Variants in KREMEN1 observed in about 807,000 individuals in gnomAD.
KREMEN1 encodes the protein kremen protein 1.
In KREMEN1, 30 loss-of-function variants were observed where a neutral mutation model predicts 46.5. The observed-to-expected ratio is 0.65, with a 90% CI of 0.48 to 0.88. The LOEUF is 0.88. KREMEN1 is among the 40% of genes least tolerant of loss of function. The pLI is 0.00. For synonymous variants in KREMEN1, 214 were observed against 230.6 expected (o/e 0.93, Z 0.65); for missense variants, 533 against 596.9 (o/e 0.89, Z 1.11).
chr22:29,104,823 A>G (rs134670), intron 3 of KREMEN1, among the ~76,000 whole-genome samples: 113,574 of 152,188 alleles, frequency 0.75, 43,082 homozygotes, highest in African/African-American at 0.88. Context: ...GAACCTGGGA[A>G]GCAGCGGTTG....
chr22:29,091,684 A>C (rs983995662), intron 1 of KREMEN1, among the ~76,000 whole-genome samples: 3 of 152,060 alleles, frequency 2.0e-5, no homozygotes, highest in Non-Finnish European at 4.4e-5. Context: ...TAGCTCTGGG[A>C]TTGGGATAGA....
intron 9 of KREMEN1, among the ~76,000 whole-genome samples, chr22:29,158,672 G>C (rs1443984203): frequency 6.6e-6 from 1 of 152,192 alleles, no homozygotes; most frequent in African/African-American, 2.4e-5. Flanking sequence ...TCAGTCCTGA[G>C]TCCAGAAGGG....
In KREMEN1 at chr22:29,073,601, C is replaced by T. The variant is rs111529360; in HGVS notation, c.97+374C>T. On this transcript the variant is annotated intron_variant, in intron 1 of 8. Coordinates refer to ENST00000400335, the MANE Select transcript of KREMEN1 (RefSeq NM_001039570.3). This position sits in a 1 kb window ranked among gnomAD's most constrained non-coding sequence, Gnocchi z 4.4. ...CGCTGCCCGAGTCCCTCAGCGACCC[C>T]AACCAGGCCGGGACGCCCCCTCTCC... is the stretch of plus-strand genomic sequence containing the variant. 0.062 allele frequency among the ~76,000 whole-genome samples: 9,373 copies of T among 152,092 alleles called. 353 individuals carry two copies. Among genetic ancestry groups the T allele is most frequent in the East Asian group, 0.12 (599 of 5,118 alleles).
At chr22:29,088,287 G>A (rs1242904775) in intron 1 of KREMEN1, among the ~76,000 whole-genome samples, 2 of 134,860 alleles carry the variant, frequency 1.5e-5, no homozygotes, top group Non-Finnish European at 3.2e-5. Context: ...AATAACGTGC[G>A]CACGCGTGCA....
At position 29,145,866 on chromosome 22, in the gene KREMEN1, G is replaced by A. The variant is rs1326165863; in HGVS notation, c.*3754G>A. The A allele has an allele frequency of 1.0e-6, 1 of 985,572 alleles. No individual in the cohort carries two copies. 61.1% of individuals were successfully genotyped at this position (985,572 alleles called of 1,614,324 possible). On this transcript the variant is annotated 3_prime_UTR_variant, in exon 9 of 9. Transcript: ENST00000400335. ...GCAAGTTCAGCTGTCCTGGCCCTCG[G>A]GTAGAACCCACGGGCGTGCCTGGGT...
intron 3 of KREMEN1, among the ~76,000 whole-genome samples, chr22:29,110,938 T>C (rs1380470986): frequency 1.3e-5 from 2 of 152,250 alleles, no homozygotes; most frequent in Middle Eastern, 3.4e-3. Context: ...GCGTCTCAGA[T>C]GTACATAGTT....
intron 2 of KREMEN1, among the ~76,000 whole-genome samples, chr22:29,097,341 T>C (rs1468309259): frequency 1.3e-5 from 2 of 152,258 alleles, no homozygotes; most frequent in Non-Finnish European, 2.9e-5. Context: ...ATGCCACCTA[T>C]GAGTTGAAAA....
At chr22:29,085,795 A>T (rs1601753366) in intron 1 of KREMEN1, among the ~76,000 whole-genome samples, 1 of 152,028 alleles carries the variant, frequency 6.6e-6, no homozygotes, top group African/African-American at 2.4e-5. Flanking sequence ...GACAATGTAG[A>T]CCCCATATCT....
chr22:29,146,857 C>T, downstream of KREMEN1: 1 of 913,884 alleles, frequency 1.1e-6, no homozygotes, highest in South Asian at 5.1e-5. Context: ...ATGGGAGTTC[C>T]CCAGAGAGCG....
chr22:29,115,323 T>C (rs2038220483), intron 3 of KREMEN1, among the ~76,000 whole-genome samples: 1 of 152,100 alleles, frequency 6.6e-6, no homozygotes. Flanking sequence ...AGACTACAAA[T>C]TGAGTGCAGT....
rs536835598 is a variant in KREMEN1 at position 29,110,513 on chromosome 22, G to C, written c.353-10844G>C. Among the ~76,000 whole-genome samples, 4 of 152,326 alleles carry C rather than the reference G, an allele frequency of 2.6e-5. No individual in the cohort carries two copies. The East Asian group carries it at 7.7e-4, about 29-fold the overall frequency. ...AACTCACCAGAAACTAAGTTTCAGA[G>C]AAGGAACTCCCACCAGGAGGGAACT... is the stretch of plus-strand genomic sequence containing the variant. On this transcript the variant is annotated intron_variant, in intron 3 of 8. Transcript: ENST00000400335.
chr22:29,099,554 T>C (rs942054135), intron 3 of KREMEN1: 3 of 137,690 alleles, frequency 2.2e-5, no homozygotes, highest in Middle Eastern at 3.5e-3. Flanking sequence ...TTCCTTTTTT[T>C]TTTTTTTTTT....
At chr22:29,152,397 TCTG>T (rs1420035981) in intron 9 of KREMEN1, among the ~76,000 whole-genome samples, 1 of 152,222 alleles carries the variant, frequency 6.6e-6, no homozygotes. Flanking sequence ...CTTGTTCCCC[TCTG>T]CTAATACCCA....
chr22:29,160,696 C>A (rs905181988), intron 9 of KREMEN1, among the ~76,000 whole-genome samples: 1 of 151,904 alleles, frequency 6.6e-6, no homozygotes, highest in African/African-American at 2.4e-5. Context: ...AACAGAGATA[C>A]AAAATACCAA....
At chr22:29,117,498 C>T (rs1213471322) in intron 3 of KREMEN1, among the ~76,000 whole-genome samples, 3 of 151,230 alleles carry the variant, frequency 2.0e-5, no homozygotes, top group African/African-American at 4.9e-5. Flanking sequence ...ACCCGGGAGG[C>T]GGAGCTTGCA....
At chr22:29,106,313 C>T (rs191576481) in intron 3 of KREMEN1, among the ~76,000 whole-genome samples, 4 of 151,902 alleles carry the variant, frequency 2.6e-5, no homozygotes, top group Admixed American at 2.0e-4. Context: ...CTCCGCCTCC[C>T]GGGTTCACGC....
chr22:29,157,400 C>T (rs750170588), intron 9 of KREMEN1, among the ~76,000 whole-genome samples: 13 of 152,188 alleles, frequency 8.5e-5, no homozygotes, highest in African/African-American at 1.4e-4. Flanking sequence ...TGCAATGGCA[C>T]GATCTCAGCT....
downstream of KREMEN1, among the ~76,000 whole-genome samples, chr22:29,150,498 C>G (rs1248911565): frequency 2.6e-5 from 4 of 152,230 alleles, no homozygotes; most frequent in Non-Finnish European, 4.4e-5. Flanking sequence ...AACAGTGAAG[C>G]TGCAGATCCC....
At chr22:29,148,980 C>T (rs977733433), downstream of KREMEN1, among the ~76,000 whole-genome samples, 1 of 152,092 alleles carries the variant, frequency 6.6e-6, no homozygotes, top group South Asian at 2.1e-4. Flanking sequence ...CCTGGGAATC[C>T]CTATGTGCTC....
Sources: gnomAD v4.1 joint callset for allele counts (sites outside exome capture counted in the v4.1 genomes callset) on GRCh38, gnomAD v4.1.1 for gene constraint, Gnocchi (gnomAD v3.1) non-coding constraint, MANE v1.5 for transcripts, NCBI Gene and HGNC (gene_info 2026-07-23, HGNC 2026-07-21) for gene names.